The following LRRTM4 variants were observed in gnomAD, a reference collection of about 807,000 sequenced individuals.
The protein encoded by LRRTM4 is leucine-rich repeat transmembrane neuronal protein 4.
Under a neutral mutation model 47.6 loss-of-function variants are expected in LRRTM4, and 25 were observed. The observed-to-expected ratio is 0.53, with a 90% CI of 0.38 to 0.73. The LOEUF (loss-of-function observed/expected upper bound fraction) is 0.73. Among genes scored for constraint, LRRTM4 ranks in the 30% least tolerant of loss-of-function variants. The pLI is 0.00. For synonymous variants in LRRTM4, 311 were observed against 269.5 expected, an observed-to-expected ratio of 1.15 and a Z score of -1.51; for missense variants, 638 against 713.4, an observed-to-expected ratio of 0.89 and a Z score of 1.20.
intron 3 of LRRTM4, among the ~76,000 whole-genome samples, chr2:77,473,030 C>A (rs1573461120): frequency 6.6e-6 from 1 of 152,162 alleles, no homozygotes; most frequent in Non-Finnish European, 1.5e-5. Flanking sequence ...AAAATTAAAC[C>A]TGGAAGCAGC....
chr2:77,114,483 C>A (rs1572976002), intron 3 of LRRTM4, among the ~76,000 whole-genome samples: 1 of 152,256 alleles, frequency 6.6e-6, no homozygotes, highest in Non-Finnish European at 1.5e-5. Flanking sequence ...GGGAGTAGAA[C>A]AATCATTTCT....
intron 3 of LRRTM4, among the ~76,000 whole-genome samples, chr2:76,998,026 A>T (rs570205861): frequency 4.6e-5 from 7 of 152,086 alleles, no homozygotes; most frequent in Non-Finnish European, 1.0e-4. Context: ...GCTTCCACTG[A>T]TTATACATTA....
intron 3 of LRRTM4, among the ~76,000 whole-genome samples, chr2:77,168,481 G>A (rs1011719957): frequency 1.3e-5 from 2 of 151,876 alleles, no homozygotes; most frequent in African/African-American, 2.4e-5. Flanking sequence ...TGATATATAT[G>A]TACAATGTGT....
intron 3 of LRRTM4, among the ~76,000 whole-genome samples, chr2:77,000,121 T>C (rs17334205): frequency 0.14 from 21,316 of 151,890 alleles, 1,603 homozygotes; most frequent in Admixed American, 0.2. Context: ...AAGCCCCAGA[T>C]AATGGCTGAT....
At chr2:77,500,499 AAACTT>A (rs1413907316) in intron 3 of LRRTM4, among the ~76,000 whole-genome samples, 1 of 150,256 alleles carries the variant, frequency 6.7e-6, no homozygotes, top group African/African-American at 2.5e-5. Flanking sequence ...TTTAAAAAGA[AAACTT>A]ATCATATTCA....
At chr2:76,843,230 G>T (rs920629739) in intron 3 of LRRTM4, among the ~76,000 whole-genome samples, 1 of 152,150 alleles carries the variant, frequency 6.6e-6, no homozygotes, top group African/African-American at 2.4e-5. Context: ...GGAGTCAGAA[G>T]ATGGTCAGAG....
At chr2:76,898,924 A>G (rs945673871) in intron 3 of LRRTM4, among the ~76,000 whole-genome samples, 1 of 152,006 alleles carries the variant, frequency 6.6e-6, no homozygotes, top group African/African-American at 2.4e-5. Context: ...AGCAATTCAC[A>G]TATTTTGAAA....
chr2:76,796,709 GAAAAAACAGAACA>G (rs1675346258), intron 3 of LRRTM4, among the ~76,000 whole-genome samples: 1 of 146,254 alleles, frequency 6.8e-6, no homozygotes, highest in Non-Finnish European at 1.5e-5. Context: ...CAAAGACAGG[GAAAAAACAGAACA>G]GAAAAACTGG....
At chr2:77,494,627 T>C (rs12328979) in intron 3 of LRRTM4, among the ~76,000 whole-genome samples, 99,586 of 151,760 alleles carry the variant, frequency 0.66, 33,159 homozygotes, top group African/African-American at 0.73. Context: ...ACTCAGATTG[T>C]ATTTTAATAG....
At chr2:77,146,170 C>G (rs1014612786) in intron 3 of LRRTM4, among the ~76,000 whole-genome samples, 2 of 152,160 alleles carry the variant, frequency 1.3e-5, no homozygotes, top group African/African-American at 4.8e-5. Flanking sequence ...TAACATTGAA[C>G]AGTTTTGTTC....
intron 3 of LRRTM4, among the ~76,000 whole-genome samples, chr2:77,420,784 T>C (rs1450736693): frequency 6.9e-6 from 1 of 145,490 alleles, no homozygotes; most frequent in Non-Finnish European, 1.5e-5. Context: ...TGGGAATGTA[T>C]ATATATATAT....
At chr2:76,857,662 A>G (rs1402514740) in intron 3 of LRRTM4, among the ~76,000 whole-genome samples, 1 of 152,140 alleles carries the variant, frequency 6.6e-6, no homozygotes, top group Non-Finnish European at 1.5e-5. Context: ...ATAATTGTTT[A>G]TACTGATAGT....
At chr2:76,923,828 T>C (rs1187000112) in intron 3 of LRRTM4, among the ~76,000 whole-genome samples, 1 of 152,112 alleles carries the variant, frequency 6.6e-6, no homozygotes, top group Non-Finnish European at 1.5e-5. Flanking sequence ...GTAATTTGGG[T>C]GGTAAAACTT....
At chr2:77,377,163 T>G (rs1672871055) in intron 3 of LRRTM4, among the ~76,000 whole-genome samples, 1 of 151,974 alleles carries the variant, frequency 6.6e-6, no homozygotes, top group African/African-American at 2.4e-5. Context: ...TTAAACACTT[T>G]TATTTTCTGG....
chr2:77,296,788 A>G (rs68004233), intron 3 of LRRTM4, among the ~76,000 whole-genome samples: 27,102 of 152,130 alleles, frequency 0.18, 2,682 homozygotes, highest in East Asian at 0.43. Flanking sequence ...TGTCATGGAT[A>G]TTGCTTTTCT....
At chr2:77,225,953 T>G (rs1228459094) in intron 3 of LRRTM4, among the ~76,000 whole-genome samples, 2 of 151,970 alleles carry the variant, frequency 1.3e-5, no homozygotes, top group East Asian at 3.8e-4. Context: ...ATTTGATAAG[T>G]AATTTATTCT....
chr2:76,748,791 T>G lies in LRRTM4; in HGVS notation c.1677A>C (p.Glu559Asp). Reference protein sequence around the residue: ...GYETVSPEQDESPGLELGRDH... With the variant: ...GYETVSPEQDDSPGLELGRDH... Reference sequence around the variant, plus strand: ...CTCGGCCCAGCTCCAGGCCGGGGCTTTCGTCCTGCTCTGGAGACACTGTCT... The same window carrying G: ...CTCGGCCCAGCTCCAGGCCGGGGCTGTCGTCCTGCTCTGGAGACACTGTCT... Residue 559 changes from glutamate to aspartate, a missense_variant, in exon 4 of 4, where the codon GAA becomes GAC. Coordinates refer to ENST00000409884, the MANE Select transcript of LRRTM4 (RefSeq NM_001134745.3). The G allele has an allele frequency of 6.2e-7, 1 of 1,614,026 alleles. No individual in the cohort carries two copies. The highest frequency in any genetic ancestry group is 8.5e-7 in the Non-Finnish European group (1 of 1,179,902).
chr2:77,367,742 T>C (rs1051979956), intron 3 of LRRTM4, among the ~76,000 whole-genome samples: 1 of 151,832 alleles, frequency 6.6e-6, no homozygotes, highest in African/African-American at 2.4e-5. Flanking sequence ...TAGGTCAATT[T>C]GCTTTGTGGC....
intron 3 of LRRTM4, among the ~76,000 whole-genome samples, chr2:77,306,986 G>A (rs1367653636): frequency 4.3e-5 from 6 of 138,602 alleles, no homozygotes; most frequent in South Asian, 4.7e-4. Flanking sequence ...TGCAAGCTCC[G>A]CCTCCCGGGT....
Sources: gnomAD v4.1 joint callset for allele counts (sites outside exome capture counted in the v4.1 genomes callset) on GRCh38, gnomAD v4.1.1 for gene constraint, MANE v1.5 for transcripts, NCBI Gene and HGNC (gene_info 2026-07-23, HGNC 2026-07-21) for gene names.